Variants in TMEM200A observed in about 807,000 individuals in gnomAD.
The protein encoded by TMEM200A is two transmembrane C.
Under a neutral mutation model 24.3 loss-of-function variants are expected in TMEM200A, and 12 were observed. That is an observed-to-expected ratio of 0.49 (90% CI 0.32 to 0.80). The LOEUF (loss-of-function observed/expected upper bound fraction) is 0.80. TMEM200A is among the 30% of genes least tolerant of loss of function. TMEM200A has a pLI of 0.04. For synonymous variants in TMEM200A, 224 were observed against 224.4 expected (o/e 1.00, Z 0.02); for missense variants, 545 against 614.4 (o/e 0.89, Z 1.19).
At chr6:130,439,776 A>T (rs77481596) in intron 2 of TMEM200A, among the ~76,000 whole-genome samples, 2,771 of 152,092 alleles carry the variant, frequency 0.018, 22 homozygotes, top group Non-Finnish European at 0.027. Flanking sequence ...GGGAAGAGAG[A>T]GTGTGGAGAA....
chr6:130,383,062 T>G, intron 1 of TMEM200A: 1 of 985,372 alleles, frequency 1.0e-6, no homozygotes, highest in East Asian at 1.1e-4. Flanking sequence ...TGACTCCTCC[T>G]CATGGCCTAC....
At position 130,367,253 on chromosome 6, in the gene TMEM200A, G is replaced by A. The variant is rs752150218; in HGVS notation, c.-81+729G>A. 5.9e-5 allele frequency among the ~76,000 whole-genome samples: 9 copies of A among 152,282 alleles called. No homozygotes were observed. The Middle Eastern group carries it at 0.017, about 288-fold the overall frequency. On this transcript the variant is annotated intron_variant, in intron 1 of 2. Coordinates refer to ENST00000296978, the MANE Select transcript of TMEM200A (RefSeq NM_001258277.2). ...GACTAATTGGAATCAGCCTTAGTCCGGTCCACCTTAGTCTGGTGTATTTAA... is the reference window on the plus strand; with the variant it reads ...GACTAATTGGAATCAGCCTTAGTCCAGTCCACCTTAGTCTGGTGTATTTAA...
chr6:130,397,371 G>A (rs1778975454), intron 2 of TMEM200A, among the ~76,000 whole-genome samples: 1 of 151,876 alleles, frequency 6.6e-6, no homozygotes. Flanking sequence ...AGTTTTTTTT[G>A]TAACTTAGTC....
chr6:130,420,442 G>A (rs1378790492), intron 2 of TMEM200A, among the ~76,000 whole-genome samples: 2 of 152,108 alleles, frequency 1.3e-5, no homozygotes, highest in Admixed American at 6.6e-5. Context: ...GCAAGGGGAA[G>A]GGATCATGTC....
intron 1 of TMEM200A, among the ~76,000 whole-genome samples, chr6:130,382,672 A>G (rs1166605082): frequency 6.6e-6 from 1 of 152,218 alleles, no homozygotes; most frequent in Non-Finnish European, 1.5e-5. Flanking sequence ...AGAGTGGAAC[A>G]TGAAAGATTT....
At chr6:130,406,928 C>T (rs1779221348) in intron 2 of TMEM200A, among the ~76,000 whole-genome samples, 1 of 152,108 alleles carries the variant, frequency 6.6e-6, no homozygotes, top group Admixed American at 6.6e-5. Context: ...CTTTCGTTTC[C>T]TGAACAAAGC....
chr6:130,381,631 T>G (rs1778597892), intron 1 of TMEM200A, among the ~76,000 whole-genome samples: 1 of 152,228 alleles, frequency 6.6e-6, no homozygotes, highest in Admixed American at 6.5e-5. Context: ...CTGCAGAACA[T>G]TGAGTGCGGG....
chr6:130,432,763 T>G (rs766279064), intron 2 of TMEM200A, among the ~76,000 whole-genome samples: 6 of 152,224 alleles, frequency 3.9e-5, no homozygotes, highest in Non-Finnish European at 7.4e-5. Context: ...CTAATATCAC[T>G]CACGTAGACC....
intron 2 of TMEM200A, among the ~76,000 whole-genome samples, chr6:130,415,772 T>A (rs1415099289): frequency 1.3e-5 from 2 of 152,178 alleles, no homozygotes; most frequent in African/African-American, 4.8e-5. Context: ...GATGTGTAGC[T>A]GAATTATTGT....
chr6:130,429,151 T>A (rs1190320884), intron 2 of TMEM200A, among the ~76,000 whole-genome samples: 2 of 152,084 alleles, frequency 1.3e-5, no homozygotes, highest in Non-Finnish European at 2.9e-5. Flanking sequence ...AATTACTAAC[T>A]GGATTTAAAA....
At chr6:130,427,812 T>C (rs1779783108) in intron 2 of TMEM200A, among the ~76,000 whole-genome samples, 1 of 152,170 alleles carries the variant, frequency 6.6e-6, no homozygotes, top group South Asian at 2.1e-4. Context: ...TGCTCATTCT[T>C]CTTTTCATTT....
At chr6:130,388,074 TA>T (rs1287569224) in intron 2 of TMEM200A, among the ~76,000 whole-genome samples, 3 of 152,194 alleles carry the variant, frequency 2.0e-5, no homozygotes, top group Non-Finnish European at 4.4e-5. Context: ...AATAACAGTT[TA>T]AAACTTAGTA....
At chr6:130,393,683 T>C (rs1031330297) in intron 2 of TMEM200A, among the ~76,000 whole-genome samples, 1 of 152,224 alleles carries the variant, frequency 6.6e-6, no homozygotes, top group African/African-American at 2.4e-5. Context: ...AGAGTCCTTT[T>C]TTCAAGATTA....
At chr6:130,367,134 TG>T (rs1266903559) in intron 1 of TMEM200A, among the ~76,000 whole-genome samples, 1 of 152,188 alleles carries the variant, frequency 6.6e-6, no homozygotes, top group African/African-American at 2.4e-5. Flanking sequence ...AATGTGTGTG[TG>T]TTTGTGTGTT....
chr6:130,398,631 A>G (rs1221616578), intron 2 of TMEM200A, among the ~76,000 whole-genome samples: 2 of 151,776 alleles, frequency 1.3e-5, no homozygotes, highest in African/African-American at 4.8e-5. Context: ...TTATTCCACA[A>G]CCTCACCAAC....
chr6:130,377,555 A>G (rs1205878896), intron 1 of TMEM200A, among the ~76,000 whole-genome samples: 1 of 152,042 alleles, frequency 6.6e-6, no homozygotes, highest in Non-Finnish European at 1.5e-5. Context: ...GGGGCTGCAT[A>G]TTGACTCATT....
intron 1 of TMEM200A, among the ~76,000 whole-genome samples, chr6:130,367,177 G>A (rs1194860960): frequency 1.3e-5 from 2 of 152,092 alleles, no homozygotes; most frequent in Non-Finnish European, 2.9e-5. Context: ...GTTCAGTACC[G>A]GGCATTGGTA....
intron 1 of TMEM200A, among the ~76,000 whole-genome samples, chr6:130,376,324 G>A (rs1265326810): frequency 1.3e-5 from 2 of 152,164 alleles, no homozygotes; most frequent in African/African-American, 2.4e-5. Context: ...AGGCTGGAGT[G>A]CAGTGATGTG....
chr6:130,384,847 A>G (rs1301744058), intron 1 of TMEM200A, among the ~76,000 whole-genome samples: 1 of 152,046 alleles, frequency 6.6e-6, no homozygotes, highest in Non-Finnish European at 1.5e-5. Flanking sequence ...ATTTCTTTTC[A>G]TTTTCTTTAG....
Sources: gnomAD v4.1 joint callset for allele counts (sites outside exome capture counted in the v4.1 genomes callset) on GRCh38, gnomAD v4.1.1 for gene constraint, MANE v1.5 for transcripts, NCBI Gene and HGNC (gene_info 2026-07-23, HGNC 2026-07-21) for gene names.